Variants in PLCH1 observed in about 807,000 individuals in gnomAD.
PLCH1 encodes the protein 1-phosphatidylinositol 4,5-bisphosphate phosphodiesterase eta-1.
A neutral mutation model predicts 126.7 loss-of-function variants in PLCH1; 60 were observed. That is an observed-to-expected ratio of 0.47 (90% confidence interval 0.38 to 0.59). The LOEUF (loss-of-function observed/expected upper bound fraction) is 0.59. Among genes scored for constraint, PLCH1 ranks in the 20% least tolerant of loss-of-function variants. The pLI is 0.00. For missense variants in PLCH1, 1,723 were observed against 2,040.0 expected (o/e 0.84, Z 2.99); for synonymous variants, 719 against 734.9 (o/e 0.98, Z 0.35).
intron 2 of PLCH1, among the ~76,000 whole-genome samples, chr3:155,692,226 C>T (rs1035464303): frequency 1.3e-5 from 2 of 152,072 alleles, no homozygotes; most frequent in African/African-American, 4.8e-5. Flanking sequence ...ATATCACTTC[C>T]CCCTTCCTCT....
At chr3:155,502,535 T>A (rs575201533) in intron 13 of PLCH1, among the ~76,000 whole-genome samples, 3 of 152,304 alleles carry the variant, frequency 2.0e-5, no homozygotes, top group South Asian at 4.1e-4. Context: ...TTCCACATAG[T>A]TAGTAATTTG....
chr3:155,727,820 AC>A (rs972822818), intron 1 of PLCH1, among the ~76,000 whole-genome samples: 7 of 149,396 alleles, frequency 4.7e-5, no homozygotes, highest in African/African-American at 1.7e-4. Context: ...GAAATCAGGC[AC>A]CTGCTCTACA....
At chr3:155,561,792 CT>C (rs373281723) in intron 8 of PLCH1, among the ~76,000 whole-genome samples, 3 of 151,220 alleles carry the variant, frequency 2.0e-5, no homozygotes, top group East Asian at 1.9e-4. Context: ...CTCTCCAGTA[CT>C]TTTTTTTTGA....
intron 4 of PLCH1, among the ~76,000 whole-genome samples, chr3:155,588,415 G>C (rs775388695): frequency 6.6e-6 from 1 of 152,084 alleles, no homozygotes; most frequent in Non-Finnish European, 1.5e-5. Flanking sequence ...AAGGCACGCA[G>C]CACCCACTTC....
At chr3:155,475,207 T>C (rs1713485515), downstream of PLCH1, among the ~76,000 whole-genome samples, 1 of 151,994 alleles carries the variant, frequency 6.6e-6, no homozygotes. Context: ...AATATGTTCC[T>C]GAATAACCAC....
At chr3:155,458,682 A>G (rs761117471) in intron 21 of PLCH1, among the ~76,000 whole-genome samples, 3 of 152,192 alleles carry the variant, frequency 2.0e-5, no homozygotes, top group Non-Finnish European at 4.4e-5. Flanking sequence ...ATGGAGGCAG[A>G]TTTCAACAAT....
chr3:155,493,886 A>G (rs1032720238), intron 17 of PLCH1, among the ~76,000 whole-genome samples: 9 of 152,196 alleles, frequency 5.9e-5, no homozygotes, highest in East Asian at 1.9e-4. Context: ...TGATAACCCA[A>G]TGCTATCCAT....
intron 1 of PLCH1, among the ~76,000 whole-genome samples, chr3:155,728,520 C>T (rs1434512016): frequency 6.6e-6 from 1 of 152,162 alleles, no homozygotes; most frequent in Non-Finnish European, 1.5e-5. Flanking sequence ...CCACAACCAT[C>T]AAGCAACAGC....
Position 155,481,639 on chromosome 3 carries a change from G to A in PLCH1, c.4387C>T (p.Pro1463Ser). ...QQSSAQDMHV[P>S]VPKQLAHLPL... Reference sequence around the variant, plus strand: ...AGATGTGCCAACTGCTTGGGTACAGGGACATGCATATCTTGAGCACTAGAT... The same window carrying A: ...AGATGTGCCAACTGCTTGGGTACAGAGACATGCATATCTTGAGCACTAGAT... Residue 1463 changes from proline to serine, a missense_variant, in exon 23 of 23, where the codon CCT (proline) becomes TCT (serine). Coordinates refer to ENST00000460012, the MANE Select transcript of PLCH1 (RefSeq NM_014996.4). This position sits in a 1 kb window ranked among gnomAD's most constrained non-coding sequence, Gnocchi z 4.2. 2 of 1,614,112 alleles carry A rather than the reference G, an allele frequency of 1.2e-6. No homozygotes were observed. The highest frequency in any genetic ancestry group is 1.7e-6 in the Non-Finnish European group (2 of 1,180,016).
chr3:155,666,166 G>A (rs1337979478), intron 2 of PLCH1, among the ~76,000 whole-genome samples: 1 of 152,154 alleles, frequency 6.6e-6, no homozygotes, highest in Non-Finnish European at 1.5e-5. Context: ...CAATTTGACA[G>A]GACTAATTTC....
chr3:155,547,178 CA>C (rs1725433024), intron 10 of PLCH1, among the ~76,000 whole-genome samples: 3 of 146,590 alleles, frequency 2.0e-5, no homozygotes, highest in Admixed American at 2.0e-4. Flanking sequence ...ACAATGAACT[CA>C]AACAAATTTA....
chr3:155,674,107 AAC>A (rs1224505582), intron 2 of PLCH1, among the ~76,000 whole-genome samples: 1 of 152,134 alleles, frequency 6.6e-6, no homozygotes, highest in Non-Finnish European at 1.5e-5. Context: ...AGATGATAAA[AAC>A]ACCTTCCTTA....
intron 2 of PLCH1, among the ~76,000 whole-genome samples, chr3:155,648,883 C>T (rs942373364): frequency 2.6e-5 from 4 of 152,100 alleles, no homozygotes; most frequent in African/African-American, 7.2e-5. Flanking sequence ...GGGGCAGAGC[C>T]GGCCATAAGG....
chr3:155,577,838 T>A lies in PLCH1; in HGVS notation c.771+5634A>T, dbSNP rs553690195. ...ACTGGGGTAATTCCACTAGCCTGAA[T>A]GAATTTGAAGTCAGTAGTTTATACC... On this transcript the variant is annotated intron_variant, in intron 6 of 22. Transcript: ENST00000460012. Among the ~76,000 whole-genome samples the A allele has an allele frequency of 3.9e-5, 6 of 152,364 alleles. No homozygotes were observed. In the East Asian group the frequency reaches 7.7e-4, roughly 20 times the overall value.
chr3:155,548,971 G>GT (rs1004977628), intron 10 of PLCH1, among the ~76,000 whole-genome samples: 2 of 151,998 alleles, frequency 1.3e-5, no homozygotes, highest in Non-Finnish European at 1.5e-5. Flanking sequence ...CTATATATTT[G>GT]TTTTTTCATA....
intron 6 of PLCH1, among the ~76,000 whole-genome samples, chr3:155,577,382 GT>G (rs889996111): frequency 5.4e-5 from 8 of 149,066 alleles, no homozygotes; most frequent in African/African-American, 1.5e-4. Context: ...TTTTTCCATT[GT>G]TTTTTTTTTC....
At chr3:155,451,178 T>C (rs1712300338) in intron 21 of PLCH1, among the ~76,000 whole-genome samples, 1 of 152,048 alleles carries the variant, frequency 6.6e-6, no homozygotes, top group Non-Finnish European at 1.5e-5. Context: ...TTAATAAATA[T>C]AGAAGAAATA....
At position 155,451,636 on chromosome 3, in the gene PLCH1, G is replaced by T. The variant is rs144594180; in HGVS notation, c.2938+33720C>A. Among the ~76,000 whole-genome samples, 1,226 of 152,274 alleles carry T rather than the reference G, an allele frequency of 8.1e-3. 13 individuals carry two copies. The highest frequency in any genetic ancestry group is 0.046 in the South Asian group (223 of 4,820). On this transcript the variant is annotated intron_variant, in intron 21 of 21. Coordinates refer to the PLCH1 transcript ENST00000494598. The stretch of plus-strand genomic sequence containing the variant: ...GCGGGCCTCTTTCCATTTTTTGGAG[G>T]CCTGAATGGACTAAAAGTATTCTGT...
chr3:155,570,053 GA>G (rs1350536323), intron 6 of PLCH1, among the ~76,000 whole-genome samples: 1 of 151,876 alleles, frequency 6.6e-6, no homozygotes, highest in Admixed American at 6.6e-5. Flanking sequence ...GAATTAATGG[GA>G]AAAAATAATC....
Sources: allele counts gnomAD v4.1 joint callset (sites outside exome capture counted in the v4.1 genomes callset), GRCh38; gene constraint gnomAD v4.1.1; non-coding constraint Gnocchi (gnomAD v3.1); transcripts MANE v1.5; gene names NCBI Gene and HGNC (gene_info 2026-07-23, HGNC 2026-07-21).